SLC16A12: variants seen among roughly 807,000 people sequenced by gnomAD.
The protein encoded by SLC16A12 is solute carrier family 16 member 12.
In SLC16A12, 17 loss-of-function variants were observed where a neutral mutation model predicts 42.4. The observed-to-expected ratio is 0.40, with a 90% CI of 0.27 to 0.60. The LOEUF (loss-of-function observed/expected upper bound fraction) is 0.60. Ranked by LOEUF, SLC16A12 falls within the 20% of genes least tolerant of loss-of-function variation. The pLI is 0.42. For missense variants in SLC16A12, 544 were observed against 623.0 expected (o/e 0.87, Z 1.35); for synonymous variants, 224 against 229.4 (o/e 0.98, Z 0.21).
At chr10:89,508,598 A>G (rs1308117628) in intron 2 of SLC16A12, among the ~76,000 whole-genome samples, 1 of 152,260 alleles carries the variant, frequency 6.6e-6, no homozygotes, top group Non-Finnish European at 1.5e-5. Flanking sequence ...GGAAATTTAT[A>G]GCACTAAATG....
chr10:89,475,272 T>C (rs1371812581), intron 2 of SLC16A12, among the ~76,000 whole-genome samples: 4 of 152,074 alleles, frequency 2.6e-5, no homozygotes, highest in African/African-American at 7.2e-5. Flanking sequence ...TTTACAGCAG[T>C]GTAGCAAAGG....
chr10:89,525,575 T>C (rs1843437725), intron 2 of SLC16A12, among the ~76,000 whole-genome samples: 1 of 152,196 alleles, frequency 6.6e-6, no homozygotes, highest in African/African-American at 2.4e-5. Context: ...ACTTCAATTA[T>C]CCGGTAAAAT....
At chr10:89,534,276 G>A (rs1227736615) in intron 2 of SLC16A12, among the ~76,000 whole-genome samples, 2 of 152,150 alleles carry the variant, frequency 1.3e-5, no homozygotes, top group Non-Finnish European at 2.9e-5. Context: ...TGGAGGGGGA[G>A]CGACAAACAA....
intron 3 of SLC16A12, among the ~76,000 whole-genome samples, chr10:89,460,980 C>A (rs1273655637): frequency 1.3e-5 from 2 of 152,122 alleles, no homozygotes; most frequent in African/African-American, 4.8e-5. Context: ...TGCACTGTAT[C>A]TTTGTTATGG....
chr10:89,470,972 GGAATAAACACAAGA>G (rs1842485254), intron 2 of SLC16A12, among the ~76,000 whole-genome samples: 1 of 152,030 alleles, frequency 6.6e-6, no homozygotes, highest in Non-Finnish European at 1.5e-5. Flanking sequence ...TGAAGAAGGA[GGAATAAACACAAGA>G]GAGGAGAGAA....
chr10:89,497,795 A>G (rs1842942682), intron 2 of SLC16A12, among the ~76,000 whole-genome samples: 1 of 152,040 alleles, frequency 6.6e-6, no homozygotes, highest in Admixed American at 6.5e-5. Flanking sequence ...ATTAAAGAGG[A>G]TTCTTTCTAA....
At chr10:89,516,520 G>C (rs1472160307) in intron 2 of SLC16A12, among the ~76,000 whole-genome samples, 1 of 152,154 alleles carries the variant, frequency 6.6e-6, no homozygotes, top group African/African-American at 2.4e-5. Context: ...AACTGGCAAG[G>C]TAAATTGTTT....
rs1841854041 is a variant in SLC16A12 at position 89,438,923 on chromosome 10, C to G, written c.709G>C (p.Glu237Gln). ...ITLKEDHTTP[E>Q]QNHVCRTQKE... ...TGAGTTCTACACACATGGTTCTGCT[C>G]TGGAGTTGTGTGGTCCTCTTTAAGA... The change falls in exon 6 of 8, where the codon GAG becomes CAG. Residue 237 changes from glutamate to glutamine, a missense_variant. Transcript: ENST00000371790. 1 of 1,614,188 alleles carries G rather than the reference C, an allele frequency of 6.2e-7. No individual in the cohort carries two copies. The highest frequency in any genetic ancestry group is 1.3e-5 in the African/African-American group (1 of 75,056).
chr10:89,554,056 G>GAAAT (rs1232102109), intron 2 of SLC16A12, among the ~76,000 whole-genome samples: 6 of 76,588 alleles, frequency 7.8e-5, no homozygotes, highest in Admixed American at 2.9e-4. Flanking sequence ...AAGAAAGAAA[G>GAAAT]AAAGAAAGAA....
intron 2 of SLC16A12, among the ~76,000 whole-genome samples, chr10:89,514,511 G>C (rs879604136): frequency 2.6e-5 from 4 of 152,184 alleles, no homozygotes; most frequent in African/African-American, 9.7e-5. Context: ...GTAGACAATG[G>C]CCCTCTGGCT....
intron 2 of SLC16A12, among the ~76,000 whole-genome samples, chr10:89,521,076 G>A (rs931278852): frequency 6.6e-6 from 1 of 152,174 alleles, no homozygotes; most frequent in African/African-American, 2.4e-5. Context: ...AGAAAACTGA[G>A]GCTCATGGAA....
At chr10:89,460,776 T>G (rs1842287171) in intron 3 of SLC16A12, among the ~76,000 whole-genome samples, 1 of 150,674 alleles carries the variant, frequency 6.6e-6, no homozygotes, top group Admixed American at 6.6e-5. Flanking sequence ...AAATCACACT[T>G]CATAGTATTT....
upstream of SLC16A12, among the ~76,000 whole-genome samples, chr10:89,535,999 G>T (rs1219697448): frequency 6.6e-6 from 1 of 152,250 alleles, no homozygotes; most frequent in Non-Finnish European, 1.5e-5. Context: ...GCGGGGATCC[G>T]CTCTAAGTAC....
chr10:89,440,906 G>T (rs925283562), intron 5 of SLC16A12, among the ~76,000 whole-genome samples: 1 of 152,190 alleles, frequency 6.6e-6, no homozygotes, highest in Non-Finnish European at 1.5e-5. Flanking sequence ...CCATCTGGCT[G>T]AATTACAGTG....
chr10:89,471,950 A>G (rs1842501466), intron 2 of SLC16A12, among the ~76,000 whole-genome samples: 1 of 152,180 alleles, frequency 6.6e-6, no homozygotes, highest in Non-Finnish European at 1.5e-5. Context: ...TTCAAGTATT[A>G]TGCCTATATT....
At chr10:89,525,809 G>T (rs996371346) in intron 2 of SLC16A12, among the ~76,000 whole-genome samples, 1 of 152,172 alleles carries the variant, frequency 6.6e-6, no homozygotes, top group Non-Finnish European at 1.5e-5. Context: ...TGACCTAAAC[G>T]TCCATGGGAT....
chr10:89,535,633 G>A (rs1011762169), upstream of SLC16A12: 5 of 142,932 alleles, frequency 3.5e-5, no homozygotes, highest in Admixed American at 3.4e-4. Context: ...CCCATGCCCC[G>A]CCCGCCCTCC....
chr10:89,555,874 T>G (rs1843812094), intron 2 of SLC16A12: 1 of 151,310 alleles, frequency 6.6e-6, no homozygotes, highest in Non-Finnish European at 1.5e-5. Context: ...TATTGGAACT[T>G]ACATTACCTC....
At chr10:89,508,640 C>T (rs541780848) in intron 2 of SLC16A12, among the ~76,000 whole-genome samples, 34 of 152,084 alleles carry the variant, frequency 2.2e-4, no homozygotes, top group African/African-American at 2.6e-4. Flanking sequence ...GATCTAAAAT[C>T]GACACCCTAA....
Sources: allele counts gnomAD v4.1 joint callset (sites outside exome capture counted in the v4.1 genomes callset), GRCh38; gene constraint gnomAD v4.1.1; transcripts MANE v1.5; gene names NCBI Gene and HGNC (gene_info 2026-07-23, HGNC 2026-07-21).